The following ONECUT2 variants were observed in gnomAD, a reference collection of about 807,000 sequenced individuals.
ONECUT2 encodes the protein one cut homeobox 2.
A neutral mutation model predicts 27.9 loss-of-function variants in ONECUT2; 10 were observed. The observed-to-expected ratio is 0.36, with a 90% CI of 0.22 to 0.61. The LOEUF (loss-of-function observed/expected upper bound fraction) is 0.61. ONECUT2 is among the 20% of genes least tolerant of loss of function. The pLI is 0.73. For missense variants in ONECUT2, 686 were observed against 721.0 expected (o/e 0.95, Z 0.56); for synonymous variants, 334 against 315.1 (o/e 1.06, Z -0.64).
chr18:57,470,717 C>A (rs1005629324), intron 1 of ONECUT2, among the ~76,000 whole-genome samples: 7 of 152,052 alleles, frequency 4.6e-5, no homozygotes, highest in African/African-American at 1.7e-4. Flanking sequence ...ATTCCCCAAC[C>A]TGTATCTGCC....
chr18:57,473,285 G>A (rs895854284), intron 1 of ONECUT2, among the ~76,000 whole-genome samples: 1 of 152,190 alleles, frequency 6.6e-6, no homozygotes, highest in African/African-American at 2.4e-5. Flanking sequence ...GGGATGCGGT[G>A]TCAGTGTCAT....
intron 1 of ONECUT2, among the ~76,000 whole-genome samples, chr18:57,437,980 G>T (rs1043122103): frequency 6.6e-6 from 1 of 152,272 alleles, no homozygotes; most frequent in Admixed American, 6.5e-5. Context: ...GGGTAGAGGC[G>T]CGGGTTACAT....
In ONECUT2 at chr18:57,480,366, C is replaced by T. The variant is rs2050409425; in HGVS notation, c.*3643C>T. The T allele has an allele frequency of 6.6e-6, 1 of 152,106 alleles. No individual in the cohort carries two copies. 9.4% of individuals were successfully genotyped at this position (152,106 alleles called of 1,614,324 possible). On this transcript the variant is annotated 3_prime_UTR_variant, in exon 2 of 2. Transcript: ENST00000491143. ...CTAAAAGAGTCCTTGTGACATGTGT[C>T]CAGTGGAAATGGTTGCTCTTTTCCA...
intron 1 of ONECUT2, among the ~76,000 whole-genome samples, chr18:57,437,468 C>T (rs1443535090): frequency 1.3e-5 from 2 of 152,276 alleles, no homozygotes; most frequent in Non-Finnish European, 2.9e-5. Context: ...GCTCTCTACT[C>T]TCCCACCCAC....
In ONECUT2 at chr18:57,487,240, T is replaced by C. The variant is rs1474879486; in HGVS notation, c.*10517T>C. ...AATGAGAAACGTTATTCCTAATTTTTGAGTTAGCCAATTTGCATTCCACAA... is the reference window on the plus strand; with the variant it reads ...AATGAGAAACGTTATTCCTAATTTTCGAGTTAGCCAATTTGCATTCCACAA... On this transcript the variant is annotated 3_prime_UTR_variant, in exon 2 of 2. Transcript: ENST00000491143. The C allele has an allele frequency of 2.0e-5, 3 of 152,458 alleles. No homozygotes were observed. Among genetic ancestry groups the C allele is most frequent in the Admixed American group, 6.5e-5 (1 of 15,272 alleles). The allele number at this position is 152,458 out of a possible 1,614,324, so 9.4% of individuals were successfully genotyped here.
At position 57,440,666 on chromosome 18, in the gene ONECUT2, A is replaced by T. The variant is rs376570488; in HGVS notation, c.1228+3722A>T. ...GCGGGACACGGCCCGGGCAGTGCGC[A>T]GTGGCTCCTGCTAGGGGCACCGCGT... On this transcript the variant is annotated intron_variant, in intron 1 of 1. Transcript: ENST00000491143. Among the ~76,000 whole-genome samples the T allele has an allele frequency of 3.6e-4, 55 of 152,326 alleles. 1 individual carries two copies. In the East Asian group the frequency reaches 9.9e-3, roughly 27 times the overall value.
At position 57,436,334 on chromosome 18, in the gene ONECUT2, C is replaced by G; in HGVS notation, c.618C>G (p.Ala206=). ...TLMRDERGLP[A]MNNLYSPYKE... ...TGCGCGACGAGCGCGGGCTCCCGGC[C>G]ATGAACAACCTCTACAGTCCCTACA... is the stretch of plus-strand genomic sequence containing the variant. The change falls in exon 1 of 2, where the codon GCC becomes GCG. Residue 206 remains alanine, a synonymous_variant. Coordinates refer to ENST00000491143, the MANE Select transcript of ONECUT2 (RefSeq NM_004852.3). The surrounding 1 kb of genome is among the most constrained non-coding windows in gnomAD (Gnocchi z 5.9). The G allele has an allele frequency of 6.2e-7, 1 of 1,605,326 alleles. No homozygotes were observed. The highest frequency in any genetic ancestry group is 8.5e-7 in the Non-Finnish European group (1 of 1,179,838).
At chr18:57,446,118 G>A (rs927657497) in intron 1 of ONECUT2, among the ~76,000 whole-genome samples, 3 of 152,252 alleles carry the variant, frequency 2.0e-5, no homozygotes, top group Non-Finnish European at 4.4e-5. Context: ...CTGGTAGGAA[G>A]GTTGGGGTCG....
At chr18:57,462,055 G>T (rs548342213) in intron 1 of ONECUT2, among the ~76,000 whole-genome samples, 1 of 152,356 alleles carries the variant, frequency 6.6e-6, no homozygotes, top group South Asian at 2.1e-4. Flanking sequence ...CAGCCTAGGA[G>T]AACTCCCGCA....
chr18:57,456,120 CT>C (rs2050257964), intron 1 of ONECUT2, among the ~76,000 whole-genome samples: 1 of 152,182 alleles, frequency 6.6e-6, no homozygotes, highest in Non-Finnish European at 1.5e-5. Context: ...AAATTGGAAC[CT>C]TGTGTGCTGT....
In ONECUT2 at chr18:57,438,466, C is replaced by T. The variant is rs148242908; in HGVS notation, c.1228+1522C>T. ...CGAGCTCAGGTTTCCACCCCCGATC[C>T]CCCGGGCTTTCCTCGCACCGCTGAG... On this transcript the variant is annotated intron_variant, in intron 1 of 1. Coordinates refer to ENST00000491143, the MANE Select transcript of ONECUT2 (RefSeq NM_004852.3). 1.4e-4 allele frequency among the ~76,000 whole-genome samples: 21 copies of T among 152,350 alleles called. No individual in the cohort carries two copies. In the East Asian group the frequency reaches 4.1e-3, roughly 29 times the overall value.
chr18:57,488,640 A>G lies in ONECUT2; in HGVS notation c.*11917A>G, dbSNP rs1451598212. ...GCTGAGTTTTCCAGACAACTGAAGT[A>G]GCTACATCATGAATGTTATTTTGTT... On this transcript the variant is annotated 3_prime_UTR_variant, in exon 2 of 2. Transcript: ENST00000491143. 2 of 152,696 alleles carry G rather than the reference A, an allele frequency of 1.3e-5. No homozygotes were observed. Among genetic ancestry groups the G allele is most frequent in the Admixed American group, 6.5e-5 (1 of 15,294 alleles). The allele number at this position is 152,696 out of a possible 1,614,324, so 9.5% of individuals were successfully genotyped here.
intron 1 of ONECUT2, chr18:57,444,457 G>A (rs1302762626): frequency 2.2e-6 from 1 of 456,390 alleles, no homozygotes; most frequent in Non-Finnish European, 4.4e-6. Context: ...TTTTAAGGGT[G>A]ATTGGCAGCC....
chr18:57,461,945 T>C (rs984460927), intron 1 of ONECUT2, among the ~76,000 whole-genome samples: 2 of 152,244 alleles, frequency 1.3e-5, no homozygotes, highest in Admixed American at 6.5e-5. Flanking sequence ...AGTCTTTCCA[T>C]GAGCAGAATT....
At chr18:57,466,077 C>T (rs1264417810) in intron 1 of ONECUT2, among the ~76,000 whole-genome samples, 1 of 152,174 alleles carries the variant, frequency 6.6e-6, no homozygotes, top group Admixed American at 6.5e-5. Flanking sequence ...TGTCCCTCCT[C>T]CACCCTGCAG....
At chr18:57,440,219 C>T (rs1337531771) in intron 1 of ONECUT2, among the ~76,000 whole-genome samples, 3 of 152,258 alleles carry the variant, frequency 2.0e-5, no homozygotes, top group East Asian at 3.8e-4. Context: ...TTTTCAGCAA[C>T]CTGACAAGAG....
rs1438856461 is a variant in ONECUT2, at chr18:57,485,008, G to T, written c.*8285G>T. 6.7e-6 allele frequency: 1 copy of T among 150,234 alleles called. No individual in the cohort carries two copies. Among genetic ancestry groups the T allele is most frequent in the Non-Finnish European group, 1.5e-5 (1 of 67,922 alleles). 9.3% of individuals were successfully genotyped at this position (150,234 alleles called of 1,614,324 possible). ...ATATGGTCGGTTGCTTCGTGAAGGT[G>T]GCCTGTCTTGAAATACTAGGGCTCA... is the stretch of plus-strand genomic sequence containing the variant. On this transcript the variant is annotated 3_prime_UTR_variant, in exon 2 of 2. Transcript: ENST00000491143.
intron 1 of ONECUT2, among the ~76,000 whole-genome samples, chr18:57,439,227 G>T (rs1299980464): frequency 6.6e-6 from 1 of 152,224 alleles, no homozygotes; most frequent in South Asian, 2.1e-4. Flanking sequence ...CATCCCGGGG[G>T]TCCTCAGCCC....
chr18:57,461,161 G>GT (rs200259985), intron 1 of ONECUT2, among the ~76,000 whole-genome samples: 2,079 of 147,410 alleles, frequency 0.014, 20 homozygotes, highest in Non-Finnish European at 0.022. Context: ...TAGTGTTGCT[G>GT]TTTTTTTTTT....
Sources: gnomAD v4.1 joint callset for allele counts (sites outside exome capture counted in the v4.1 genomes callset) on GRCh38, gnomAD v4.1.1 for gene constraint, Gnocchi (gnomAD v3.1) non-coding constraint, MANE v1.5 for transcripts, NCBI Gene and HGNC (gene_info 2026-07-23, HGNC 2026-07-21) for gene names.